The following CHRM5 variants were observed in gnomAD, a reference collection of about 807,000 sequenced individuals.
CHRM5 encodes the protein cholinergic receptor muscarinic 5.
A neutral mutation model predicts 39.0 loss-of-function variants in CHRM5; 18 were observed. That is an observed-to-expected ratio of 0.46 (90% CI 0.32 to 0.68). The LOEUF is 0.68. CHRM5 is among the 30% of genes least tolerant of loss of function. CHRM5 has a pLI of 0.04. For synonymous variants in CHRM5, 241 were observed against 246.3 expected (o/e 0.98, Z 0.20); for missense variants, 515 against 651.1 (o/e 0.79, Z 2.28).
intron 1 of CHRM5, among the ~76,000 whole-genome samples, chr15:33,985,012 C>A (rs933630479): frequency 3.9e-5 from 6 of 152,080 alleles, no homozygotes; most frequent in African/African-American, 1.4e-4. Context: ...ACCAGCTGAA[C>A]CTTTCCTGGG....
At chr15:33,976,242 T>C (rs770350148) in intron 1 of CHRM5, among the ~76,000 whole-genome samples, 1 of 152,196 alleles carries the variant, frequency 6.6e-6, no homozygotes, top group East Asian at 1.9e-4. Flanking sequence ...ATGTATTCAT[T>C]TGCATTCAGT....
intron 1 of CHRM5, among the ~76,000 whole-genome samples, chr15:34,037,755 GTTTTATAC>G (rs1198412227): frequency 1.3e-5 from 2 of 151,844 alleles, no homozygotes; most frequent in African/African-American, 4.8e-5. Flanking sequence ...TTAAATTTAA[GTTTTATAC>G]TTTTTTTTCC....
intron 1 of CHRM5, chr15:34,007,092 C>A: frequency 4.1e-6 from 4 of 981,576 alleles, no homozygotes; most frequent in Non-Finnish European, 4.8e-6. Flanking sequence ...TAACAGGAAT[C>A]CATTTAGATT....
intron 2 of CHRM5, among the ~76,000 whole-genome samples, chr15:34,049,700 C>T (rs1683670585): frequency 6.6e-6 from 1 of 151,992 alleles, no homozygotes; most frequent in South Asian, 2.1e-4. Context: ...TAAGATACTC[C>T]ACAAGAAGAT....
At chr15:34,030,459 C>T (rs1423097123) in intron 1 of CHRM5, among the ~76,000 whole-genome samples, 1 of 151,950 alleles carries the variant, frequency 6.6e-6, no homozygotes, top group Non-Finnish European at 1.5e-5. Flanking sequence ...CATTCTCCTG[C>T]CTCAGCCTCT....
intron 1 of CHRM5, among the ~76,000 whole-genome samples, chr15:34,034,165 A>G (rs568253726): frequency 6.6e-6 from 1 of 152,308 alleles, no homozygotes; most frequent in Non-Finnish European, 1.5e-5. Context: ...ATCCAGAGCC[A>G]AGTGTGGTGA....
rs1895497374 is a variant in CHRM5 at position 33,968,743 on chromosome 15, T to C, written c.-815T>C. The stretch of plus-strand genomic sequence containing the variant: ...TCCAGATAATGTTTTTTAAAGCAGC[T>C]TGATTTGGAAGCGTGTGTAATTCTG... On this transcript the variant is annotated 5_prime_UTR_variant, in exon 1 of 3. Coordinates refer to ENST00000383263, the MANE Select transcript of CHRM5 (RefSeq NM_012125.4). 2 of 152,148 alleles carry C rather than the reference T, an allele frequency of 1.3e-5. No individual in the cohort carries two copies. Among genetic ancestry groups the C allele is most frequent in the Non-Finnish European group, 2.9e-5 (2 of 67,988 alleles). 9.4% of individuals were successfully genotyped at this position (152,148 alleles called of 1,614,324 possible).
intron 1 of CHRM5, among the ~76,000 whole-genome samples, chr15:33,971,848 T>C (rs1350323529): frequency 6.6e-6 from 1 of 152,112 alleles, no homozygotes; most frequent in Non-Finnish European, 1.5e-5. Context: ...AGGATGTAGT[T>C]CACCATGAAG....
chr15:34,064,212 A>G lies in CHRM5; in HGVS notation c.1495A>G (p.Asn499Asp). Residue 499 changes from asparagine (N) to aspartate (D), a missense_variant, in exon 3 of 3, where the codon AAC (asparagine) becomes GAC (aspartate). Asn to Asp is a conservative substitution (Grantham distance 23). Coordinates refer to ENST00000383263, the MANE Select transcript of CHRM5 (RefSeq NM_012125.4). ...TVNPICYALC[N>D]RTFRKTFKML... Reference sequence around the variant, plus strand: ...CAACCCCATCTGCTATGCCCTCTGCAACAGAACCTTCAGGAAGACCTTTAA... The same window carrying G: ...CAACCCCATCTGCTATGCCCTCTGCGACAGAACCTTCAGGAAGACCTTTAA... The G allele has an allele frequency of 6.2e-7, 1 of 1,614,172 alleles. No homozygotes were observed. Among genetic ancestry groups the G allele is most frequent in the Non-Finnish European group, 8.5e-7 (1 of 1,180,026 alleles).
At chr15:33,983,481 A>G (rs1021453687) in intron 1 of CHRM5, among the ~76,000 whole-genome samples, 6 of 152,080 alleles carry the variant, frequency 3.9e-5, no homozygotes, top group Non-Finnish European at 8.8e-5. Flanking sequence ...GCAGTAAAGC[A>G]TAAATAAAAA....
chr15:34,008,130 T>C (rs868720211), intron 1 of CHRM5, among the ~76,000 whole-genome samples: 2 of 151,866 alleles, frequency 1.3e-5, no homozygotes, highest in South Asian at 2.1e-4. Context: ...TAGTCGAAAA[T>C]AATGGGTGGG....
chr15:34,031,712 A>C (rs139408981), intron 1 of CHRM5, among the ~76,000 whole-genome samples: 3,502 of 152,294 alleles, frequency 0.023, 65 homozygotes, highest in Admixed American at 0.032. Context: ...CATCCTTGGC[A>C]GTGTTGTTCT....
At chr15:34,061,040 T>C (rs1411663927) in intron 2 of CHRM5, among the ~76,000 whole-genome samples, 2 of 152,244 alleles carry the variant, frequency 1.3e-5, no homozygotes, top group Non-Finnish European at 2.9e-5. Context: ...AGATTTTTTT[T>C]TTCCCTTTAC....
In CHRM5 at chr15:34,053,319, A is replaced by AATATAT. The variant is rs71119922; in HGVS notation, c.-76+6467_-76+6472dup. On this transcript the variant is annotated intron_variant, in intron 2 of 2. Transcript: ENST00000383263. ...CATCTCAAAAAAAAAAAAAAAAAAA[A>AATATAT]ATATATATATATATATATATATATG... 9.5e-3 allele frequency among the ~76,000 whole-genome samples: 400 copies of AATATAT among 41,976 alleles called. 5 individuals are homozygous for AATATAT. Among genetic ancestry groups the AATATAT allele is most frequent in the South Asian group, 0.011 (15 of 1,326 alleles). 27.5% of individuals were successfully genotyped at this position (41,976 alleles called of 152,430 possible).
chr15:33,973,297 G>A (rs940756289), intron 1 of CHRM5, among the ~76,000 whole-genome samples: 4 of 152,272 alleles, frequency 2.6e-5, no homozygotes, highest in African/African-American at 9.6e-5. Flanking sequence ...AAAATCCTTA[G>A]CTATTTATAG....
intron 1 of CHRM5, among the ~76,000 whole-genome samples, chr15:33,990,344 T>C (rs983137205): frequency 7.2e-5 from 11 of 151,984 alleles, no homozygotes; most frequent in African/African-American, 2.4e-4. Flanking sequence ...ATCACGCCAC[T>C]GCCCTCCAGC....
At chr15:33,986,039 A>T (rs1896436340) in intron 1 of CHRM5, among the ~76,000 whole-genome samples, 1 of 152,130 alleles carries the variant, frequency 6.6e-6, no homozygotes, top group African/African-American at 2.4e-5. Context: ...GATTCTATTA[A>T]GTTGATTTTT....
intron 1 of CHRM5, among the ~76,000 whole-genome samples, chr15:34,042,692 C>T (rs1030846425): frequency 6.6e-6 from 1 of 151,952 alleles, no homozygotes; most frequent in African/African-American, 2.4e-5. Flanking sequence ...CAACAGCCAC[C>T]GTGCCCGGCA....
At chr15:33,996,209 T>G (rs1344330066) in intron 1 of CHRM5, among the ~76,000 whole-genome samples, 1 of 152,188 alleles carries the variant, frequency 6.6e-6, no homozygotes, top group East Asian at 1.9e-4. Context: ...CACTGCAGCT[T>G]AGCAAGGCCT....
Sources: allele counts gnomAD v4.1 joint callset (sites outside exome capture counted in the v4.1 genomes callset), GRCh38; gene constraint gnomAD v4.1.1; transcripts MANE v1.5; gene names NCBI Gene and HGNC (gene_info 2026-07-23, HGNC 2026-07-21).